The following ZNF671 variants were observed in gnomAD, a reference collection of about 807,000 sequenced individuals.
The protein encoded by ZNF671 is zinc finger protein 671.
A neutral mutation model predicts 16.6 loss-of-function variants in ZNF671; 19 were observed. The observed-to-expected ratio is 1.14, with a 90% CI of 0.80 to 1.68. The LOEUF is 1.68. ZNF671 is among the 40% of genes most tolerant of loss of function. The probability of loss-of-function intolerance (pLI) is 0.00; values close to 1 mark genes in which losing one functional copy is unlikely to be tolerated. For synonymous variants in ZNF671, 238 were observed against 236.3 expected (o/e 1.01, Z -0.06); for missense variants, 637 against 659.8 (o/e 0.97, Z 0.38).
chr19:57,721,654 CT>C lies in ZNF671; in HGVS notation c.431del (p.Gln144ArgfsTer5). 1 of 1,614,188 alleles carries C rather than the reference CT, an allele frequency of 6.2e-7. No individual in the cohort carries two copies. The highest frequency in any genetic ancestry group is 8.5e-7 in the Non-Finnish European group (1 of 1,180,020). On this transcript the variant is annotated frameshift_variant, in exon 4 of 4. Coordinates refer to ENST00000317398, the MANE Select transcript of ZNF671 (RefSeq NM_024833.3). LOFTEE classifies it low-confidence loss of function (END_TRUNC). ...CTGACACTCCTGCTACAAAAATGCT[CT>C]GCTCAGAAGATACCTCTTCATCCTC... ...GVEDEEVSSE[Q>X]SIFVAGVSEV... is the part of the protein sequence containing the mutation.
In ZNF671 at chr19:57,720,492, C is replaced by A. The variant is rs770179359; in HGVS notation, c.1594G>T (p.Glu532Ter). 1 of 1,612,412 alleles carries A rather than the reference C, an allele frequency of 6.2e-7. No homozygotes were observed. The highest frequency in any genetic ancestry group is 8.5e-7 in the Non-Finnish European group (1 of 1,178,582). Reference protein sequence around the residue: ...LVLHQRVHAGEKL With the variant: ...LVLHQRVHAG ...CATTTGCTACACTCTTAAAGCTTTT[C>A]TCCAGCATGAACCCTCTGGTGCAGA... The change falls in exon 4 of 4, where the codon GAA becomes TAA. Residue 532 changes from glutamate (E) to a stop codon, truncating the protein, a stop_gained. Coordinates refer to ENST00000317398, the MANE Select transcript of ZNF671 (RefSeq NM_024833.3). LOFTEE classifies it high-confidence loss of function.
intron 3 of ZNF671, 22 bp downstream of exon 3, chr19:57,722,294 C>T (rs976536794): frequency 6.2e-7 from 1 of 1,612,670 alleles, no homozygotes; most frequent in Non-Finnish European, 8.5e-7. Flanking sequence ...TGACATCGTG[C>T]CCTTCCCCGA....
At chr19:57,725,283 G>T (rs539535601) in intron 1 of ZNF671, among the ~76,000 whole-genome samples, 1 of 151,846 alleles carries the variant, frequency 6.6e-6, no homozygotes, top group African/African-American at 2.4e-5. Flanking sequence ...GGCCAACATC[G>T]TGAAACCCCG....
In ZNF671 at chr19:57,727,071, C is replaced by T. The variant is rs535017020; in HGVS notation, c.138+320G>A. On this transcript the variant is annotated intron_variant, in intron 1 of 3. Transcript: ENST00000317398. The stretch of plus-strand genomic sequence containing the variant: ...TTAAAATCCCAGCTAAGATCACGTC[C>T]TTCTATTCAAAACCCTCAGTTAATC... 1.8e-5 allele frequency: 5 copies of T among 275,164 alleles called. No homozygotes were observed. The South Asian group carries it at 5.7e-4, about 31-fold the overall frequency. The allele number at this position is 275,164 out of a possible 1,614,324, so 17.0% of individuals were successfully genotyped here.
Position 57,723,203 on chromosome 19 carries a change from G to C in ZNF671, c.265+11C>G. On this transcript the variant is annotated intron_variant, in intron 2 of 3. Transcript: ENST00000317398. ...CAGAGTGGTAAAGGCAGAAAAGCAT[G>C]AGGACCTTACCCAGTGAGGCTAAAA... The C allele has an allele frequency of 6.2e-7, 1 of 1,602,642 alleles. No homozygotes were observed. The highest frequency in any genetic ancestry group is 8.5e-7 in the Non-Finnish European group (1 of 1,173,662).
intron 1 of ZNF671, among the ~76,000 whole-genome samples, chr19:57,725,225 A>G (rs1986002063): frequency 6.6e-6 from 1 of 151,244 alleles, no homozygotes; most frequent in African/African-American, 2.4e-5. Context: ...GCACTTTGGG[A>G]GGCCGAGGCG....
At position 57,720,307 on chromosome 19, in the gene ZNF671, T is replaced by C. The variant is rs2032329070; in HGVS notation, c.*174A>G. On this transcript the variant is annotated 3_prime_UTR_variant, in exon 4 of 4. Coordinates refer to ENST00000317398, the MANE Select transcript of ZNF671 (RefSeq NM_024833.3). ...TGTTGGGCTGAACAGAGACAGCACA[T>C]TGCTTAGACTGCTAAGGCCTGTGTC... The C allele has an allele frequency of 2.2e-6, 2 of 899,012 alleles. No individual in the cohort carries two copies. The highest frequency in any genetic ancestry group is 3.3e-5 in the African/African-American group (2 of 59,858). The allele number at this position is 899,012 out of a possible 1,614,324, so 55.7% of individuals were successfully genotyped here.
In ZNF671 at chr19:57,720,335, G is replaced by A; in HGVS notation, c.*146C>T. ...CTTAGACTGCTAAGGCCTGTGTCCG[G>A]TGTGAAATTCCCAATGGCGGGTAAG... On this transcript the variant is annotated 3_prime_UTR_variant, in exon 4 of 4. Coordinates refer to ENST00000317398, the MANE Select transcript of ZNF671 (RefSeq NM_024833.3). The A allele has an allele frequency of 8.9e-7, 1 of 1,121,268 alleles. No individual in the cohort carries two copies. The allele number at this position is 1,121,268 out of a possible 1,614,324, so 69.5% of individuals were successfully genotyped here. A position where few individuals can be genotyped will look rare whatever the true frequency, so the allele number is the denominator to read the frequency against.
At position 57,727,602 on chromosome 19, in the gene ZNF671, G is replaced by A. The variant is rs1298920000; in HGVS notation, c.-74C>T. The A allele has an allele frequency of 5.2e-6, 8 of 1,534,984 alleles. No homozygotes were observed. The East Asian group carries it at 1.2e-4, about 22-fold the overall frequency. On this transcript the variant is annotated 5_prime_UTR_variant, in exon 1 of 4. Coordinates refer to ENST00000317398, the MANE Select transcript of ZNF671 (RefSeq NM_024833.3). ...ACAGAACCCCGGCCAGGGACAGCCT[G>A]ACAGAAACAAAATGTCCGCTACAAG...
At position 57,723,160 on chromosome 19, in the gene ZNF671, A is replaced by G. The variant is rs1411809385; in HGVS notation, c.265+54T>C. ...ACTGGTGAAGGAAGCGGTGCTCATG[A>G]TCCCACCATAGGAAGAACAGAGTGG... is the stretch of plus-strand genomic sequence containing the variant. On this transcript the variant is annotated intron_variant, in intron 2 of 3. Coordinates refer to ENST00000317398, the MANE Select transcript of ZNF671 (RefSeq NM_024833.3). The G allele has an allele frequency of 5.2e-6, 8 of 1,542,534 alleles. No individual in the cohort carries two copies. In the East Asian group the frequency reaches 1.1e-4, roughly 22 times the overall value.
intron 1 of ZNF671, 128 bp from the exon 2 acceptor site, chr19:57,723,468 A>T: frequency 9.9e-7 from 1 of 1,013,854 alleles, no homozygotes; most frequent in Non-Finnish European, 1.4e-6. Flanking sequence ...CACTAGTACC[A>T]CTGATCCTCA....
intron 1 of ZNF671, among the ~76,000 whole-genome samples, chr19:57,726,247 G>A (rs965037636): frequency 2.0e-5 from 3 of 151,360 alleles, no homozygotes; most frequent in African/African-American, 4.9e-5. Context: ...TCTTGAACCC[G>A]GGAGGTAGAG....
rs567600305 is a variant in ZNF671, at chr19:57,721,142, C to T, written c.944G>A (p.Cys315Tyr). 10 of 1,614,182 alleles carry T rather than the reference C, an allele frequency of 6.2e-6. No individual in the cohort carries two copies. The African/African-American group carries it at 1.1e-4, about 17-fold the overall frequency. Residue 315 changes from cysteine (C) to tyrosine (Y), a missense_variant, in exon 4 of 4, where the codon TGT (cysteine) becomes TAT (tyrosine). Cys to Tyr is a radical substitution (Grantham distance 194). Coordinates refer to ENST00000317398, the MANE Select transcript of ZNF671 (RefSeq NM_024833.3). ...GCTGAAGAATTTCCCACATTCGTTA[C>T]ACTCATAAGGCCTTTCTCCAGTGTG... ...RIHTGERPYE[C>Y]NECGKFFSQS...
Sources: gnomAD v4.1 joint callset for allele counts (sites outside exome capture counted in the v4.1 genomes callset) on GRCh38, gnomAD v4.1.1 for gene constraint, MANE v1.5 for transcripts, NCBI Gene and HGNC (gene_info 2026-07-23, HGNC 2026-07-21) for gene names.